The following KANSL1L variants were observed in gnomAD, a reference collection of about 807,000 sequenced individuals.
KANSL1L encodes the protein KAT8 regulatory NSL complex subunit 1 like.
KANSL1L carries 25 observed loss-of-function variants against 108.6 expected under a neutral mutation model. The ratio of observed to expected loss-of-function variants is 0.23; its 90% CI spans 0.17 to 0.32. The LOEUF (loss-of-function observed/expected upper bound fraction) is 0.32. Among genes scored for constraint, KANSL1L ranks in the 10% least tolerant of loss-of-function variants. The probability of loss-of-function intolerance (pLI) is 1.00; values close to 1 mark genes in which losing one functional copy is unlikely to be tolerated. For synonymous variants in KANSL1L, 405 were observed against 395.1 expected, an observed-to-expected ratio of 1.03 and a Z score of -0.30; for missense variants, 1,137 against 1,125.7, an observed-to-expected ratio of 1.01 and a Z score of -0.14.
chr2:210,166,395 T>C (rs901810094), intron 1 of KANSL1L, among the ~76,000 whole-genome samples: 1 of 152,102 alleles, frequency 6.6e-6, no homozygotes, highest in Non-Finnish European at 1.5e-5. Context: ...TTTCAAAAAA[T>C]TTTTGACAAA....
upstream of KANSL1L, among the ~76,000 whole-genome samples, chr2:210,172,460 C>G (rs980340158): frequency 6.6e-6 from 1 of 152,144 alleles, no homozygotes; most frequent in African/African-American, 2.4e-5. Flanking sequence ...ACATAGATAA[C>G]TGGAATTGGA....
chr2:210,121,137 A>G (rs2095015436), intron 3 of KANSL1L, among the ~76,000 whole-genome samples: 4 of 152,186 alleles, frequency 2.6e-5, no homozygotes, highest in Admixed American at 2.6e-4. Context: ...CAGCAATCCC[A>G]TTACTGAGTA....
intron 6 of KANSL1L, among the ~76,000 whole-genome samples, chr2:210,058,235 T>A (rs2094377419): frequency 1.3e-5 from 2 of 152,102 alleles, no homozygotes; most frequent in South Asian, 4.1e-4. Flanking sequence ...GCTGTGGGGA[T>A]GAAATAAGCC....
chr2:210,026,379 C>G (rs2093937011), intron 12 of KANSL1L: 2 of 152,168 alleles, frequency 1.3e-5, no homozygotes, highest in South Asian at 4.1e-4. Flanking sequence ...CAACCCCTTA[C>G]CTGCAATTCC....
intron 6 of KANSL1L, among the ~76,000 whole-genome samples, chr2:210,065,291 A>C (rs1413393637): frequency 0.018 from 24 of 1,334 alleles, no homozygotes; most frequent in African/African-American, 0.029. Flanking sequence ...ACTCTGTCTC[A>C]AAAAAAAAAA....
chr2:210,154,002 T>C lies in KANSL1L; in HGVS notation c.581A>G (p.His194Arg), dbSNP rs760528376. Residue 194 changes from histidine (H) to arginine (R), a missense_variant, in exon 2 of 15, where the codon CAC becomes CGC. By Grantham distance (29) the His-to-Arg change is conservative. Around this residue, in one of 3 missense-constraint regions of KANSL1L, gnomAD observed 556 missense variants for 537.7 expected, o/e 1.03. Transcript: ENST00000281772. ...TDAEIKKGLL[H>R]CTQKKIVPGH... ...AGGTACAATTTTCTTTTGAGTACAG[T>C]GCAATAAACCCTTTTTAATCTCAGC... The C allele has an allele frequency of 6.2e-7, 1 of 1,613,892 alleles. No individual in the cohort carries two copies. Among genetic ancestry groups the C allele is most frequent in the South Asian group, 1.1e-5 (1 of 91,078 alleles).
upstream of KANSL1L, among the ~76,000 whole-genome samples, chr2:210,172,060 C>G (rs1688369777): frequency 6.6e-6 from 1 of 151,856 alleles, no homozygotes; most frequent in African/African-American, 2.4e-5. Context: ...GGCGCTGGAC[C>G]TAACTCCCCT....
intron 6 of KANSL1L, among the ~76,000 whole-genome samples, chr2:210,068,838 T>C (rs1484904151): frequency 1.3e-5 from 2 of 152,208 alleles, no homozygotes; most frequent in Non-Finnish European, 2.9e-5. Flanking sequence ...AAATTCTTTC[T>C]GGATAACCTT....
chr2:210,169,431 T>C (rs1688195984), intron 1 of KANSL1L, among the ~76,000 whole-genome samples: 1 of 152,216 alleles, frequency 6.6e-6, no homozygotes, highest in African/African-American at 2.4e-5. Flanking sequence ...GTCTCAGTTT[T>C]AGGAAAAATA....
intron 3 of KANSL1L, among the ~76,000 whole-genome samples, chr2:210,127,093 G>A (rs1363256079): frequency 6.6e-6 from 1 of 151,994 alleles, no homozygotes; most frequent in Non-Finnish European, 1.5e-5. Flanking sequence ...TGTGGTACTG[G>A]CATAAAGACA....
At chr2:210,141,994 CTTTTTTT>C (rs1052791722) in intron 2 of KANSL1L, among the ~76,000 whole-genome samples, 1 of 139,584 alleles carries the variant, frequency 7.2e-6, no homozygotes, top group African/African-American at 2.6e-5. Context: ...GGCCTATAAT[CTTTTTTT>C]TTTTTTTTCT....
intron 5 of KANSL1L, among the ~76,000 whole-genome samples, chr2:210,079,654 A>ATGTGTG (rs2094571586): frequency 5.4e-5 from 1 of 18,424 alleles, no homozygotes; most frequent in African/African-American, 1.5e-4. Flanking sequence ...ATATATATAT[A>ATGTGTG]TATATATATA....
intron 3 of KANSL1L, among the ~76,000 whole-genome samples, chr2:210,119,945 G>A (rs919077449): frequency 1.3e-5 from 2 of 152,110 alleles, no homozygotes; most frequent in Non-Finnish European, 2.9e-5. Flanking sequence ...CAGGGCTATT[G>A]GAACCAAAAC....
chr2:210,129,621 A>G (rs904744398), intron 2 of KANSL1L, among the ~76,000 whole-genome samples: 9 of 152,212 alleles, frequency 5.9e-5, no homozygotes, highest in Admixed American at 3.9e-4. Flanking sequence ...CGATTTTACT[A>G]TAAGTAATTT....
intron 5 of KANSL1L, among the ~76,000 whole-genome samples, chr2:210,077,613 A>G (rs2094551713): frequency 6.6e-6 from 1 of 152,172 alleles, no homozygotes; most frequent in Non-Finnish European, 1.5e-5. Context: ...TCCAGCACCA[A>G]AAGAGGTTCT....
chr2:210,163,191 G>A (rs1320334532), intron 1 of KANSL1L, among the ~76,000 whole-genome samples: 1 of 152,150 alleles, frequency 6.6e-6, no homozygotes, highest in Non-Finnish European at 1.5e-5. Context: ...GATATGGCAA[G>A]AATGATGGAA....
At chr2:210,039,598 T>G (rs2094142898) in intron 8 of KANSL1L, among the ~76,000 whole-genome samples, 1 of 151,886 alleles carries the variant, frequency 6.6e-6, no homozygotes, top group Non-Finnish European at 1.5e-5. Flanking sequence ...GATTTTAACT[T>G]TGTAGATAAT....
chr2:210,148,840 T>G (rs1278674299), intron 2 of KANSL1L, among the ~76,000 whole-genome samples: 3 of 152,128 alleles, frequency 2.0e-5, no homozygotes, highest in Non-Finnish European at 2.9e-5. Flanking sequence ...GCTAACTTCC[T>G]GATCAATTTT....
intron 2 of KANSL1L, among the ~76,000 whole-genome samples, chr2:210,145,418 T>C (rs528769685): frequency 4.6e-4 from 70 of 152,192 alleles, no homozygotes; most frequent in African/African-American, 1.6e-3. Context: ...ACCATTCCCA[T>C]GTTAGTAACA....
Sources: gnomAD v4.1 joint callset for allele counts (sites outside exome capture counted in the v4.1 genomes callset) on GRCh38, gnomAD v4.1.1 for gene constraint, gnomAD v4.1.1 regional missense constraint, MANE v1.5 for transcripts, NCBI Gene and HGNC (gene_info 2026-07-23, HGNC 2026-07-21) for gene names.